The following PDGFD variants were observed in gnomAD, a reference collection of about 807,000 sequenced individuals.
The protein encoded by PDGFD is platelet derived growth factor D.
PDGFD carries 30 observed loss-of-function variants against 44.7 expected under a neutral mutation model. The observed-to-expected ratio is 0.67, with a 90% CI of 0.50 to 0.91. The LOEUF is 0.91. Ranked by LOEUF, PDGFD falls within the 40% of genes least tolerant of loss-of-function variation. PDGFD has a pLI of 0.00. For missense variants in PDGFD, 445 were observed against 457.8 expected, an observed-to-expected ratio of 0.97 and a Z score of 0.25; for synonymous variants, 173 against 168.4, an observed-to-expected ratio of 1.03 and a Z score of -0.21.
chr11:104,121,757 G>C (rs904596588), intron 1 of PDGFD, among the ~76,000 whole-genome samples: 1 of 152,004 alleles, frequency 6.6e-6, no homozygotes, highest in African/African-American at 2.4e-5. Flanking sequence ...GAGTAGCACT[G>C]ATACAGTTTC....
At chr11:103,977,894 A>T (rs1356859560) in intron 3 of PDGFD, among the ~76,000 whole-genome samples, 14 of 152,070 alleles carry the variant, frequency 9.2e-5, no homozygotes, top group Admixed American at 9.2e-4. Flanking sequence ...TTGTCATACA[A>T]ACTGAAATGT....
intron 1 of PDGFD, among the ~76,000 whole-genome samples, chr11:104,069,273 G>A (rs773503977): frequency 1.2e-4 from 19 of 152,114 alleles, no homozygotes; most frequent in Non-Finnish European, 2.2e-4. Context: ...GATTCAGTAT[G>A]TACACTTTTG....
chr11:103,965,680 C>T (rs557366587), intron 3 of PDGFD, among the ~76,000 whole-genome samples: 2 of 152,286 alleles, frequency 1.3e-5, no homozygotes, highest in African/African-American at 4.8e-5. Flanking sequence ...CAGCTCACAA[C>T]GTCTATCACA....
At chr11:103,999,593 C>G (rs181569567) in intron 2 of PDGFD, among the ~76,000 whole-genome samples, 1 of 152,144 alleles carries the variant, frequency 6.6e-6, no homozygotes, top group Non-Finnish European at 1.5e-5. Flanking sequence ...CTGATAGCTT[C>G]CCCAACCATC....
At chr11:104,053,850 G>A (rs936334920) in intron 1 of PDGFD, among the ~76,000 whole-genome samples, 5 of 152,152 alleles carry the variant, frequency 3.3e-5, no homozygotes, top group African/African-American at 7.2e-5. Context: ...TGAGTCTTCC[G>A]AATTTCAGGC....
At chr11:104,094,181 C>T (rs1861250451) in intron 1 of PDGFD, among the ~76,000 whole-genome samples, 1 of 152,020 alleles carries the variant, frequency 6.6e-6, no homozygotes, top group Admixed American at 6.6e-5. Flanking sequence ...TCTTGATACC[C>T]TAGCTTTCGT....
intron 3 of PDGFD, among the ~76,000 whole-genome samples, chr11:103,973,393 C>T (rs1322800723): frequency 6.6e-6 from 1 of 151,724 alleles, no homozygotes; most frequent in Non-Finnish European, 1.5e-5. Flanking sequence ...AAGATCTGCC[C>T]GTCTTGGCCT....
At chr11:104,122,337 T>C (rs1370749079) in intron 1 of PDGFD, among the ~76,000 whole-genome samples, 2 of 152,012 alleles carry the variant, frequency 1.3e-5, no homozygotes, top group African/African-American at 4.8e-5. Context: ...TAATAAAAGA[T>C]TAGGGTTGGG....
At chr11:103,954,468 T>C (rs1358832932) in intron 3 of PDGFD, among the ~76,000 whole-genome samples, 2 of 152,280 alleles carry the variant, frequency 1.3e-5, no homozygotes, top group Non-Finnish European at 2.9e-5. Context: ...ATTTTTATCC[T>C]AGGTGATTAT....
intron 6 of PDGFD, among the ~76,000 whole-genome samples, chr11:103,923,633 TG>T (rs1191339719): frequency 6.6e-6 from 1 of 152,216 alleles, no homozygotes; most frequent in African/African-American, 2.4e-5. Context: ...TTTTCCCTAA[TG>T]AGACTAGGCT....
At chr11:104,080,577 A>G (rs150468896) in intron 1 of PDGFD, among the ~76,000 whole-genome samples, 21 of 152,320 alleles carry the variant, frequency 1.4e-4, no homozygotes, top group African/African-American at 5.1e-4. Context: ...TTGGTATCAC[A>G]ATATTTTATG....
At chr11:103,984,636 T>C (rs1472956209) in intron 3 of PDGFD, among the ~76,000 whole-genome samples, 1 of 151,446 alleles carries the variant, frequency 6.6e-6, no homozygotes, top group Non-Finnish European at 1.5e-5. Context: ...TGTTTACTTT[T>C]TGTTTACATT....
At chr11:104,028,547 G>A (rs1201516762) in intron 1 of PDGFD, among the ~76,000 whole-genome samples, 1 of 150,406 alleles carries the variant, frequency 6.6e-6, no homozygotes, top group East Asian at 1.9e-4. Flanking sequence ...TATCAGAAAC[G>A]TCAACTACAG....
At chr11:104,092,942 G>C (rs1861232108) in intron 1 of PDGFD, among the ~76,000 whole-genome samples, 1 of 152,142 alleles carries the variant, frequency 6.6e-6, no homozygotes, top group Non-Finnish European at 1.5e-5. Context: ...CCAGGTCGAA[G>C]ATTTTCCTGT....
intron 1 of PDGFD, among the ~76,000 whole-genome samples, chr11:104,020,643 G>C (rs1859935614): frequency 6.6e-6 from 1 of 151,986 alleles, no homozygotes; most frequent in African/African-American, 2.4e-5. Flanking sequence ...TGGGAGTACT[G>C]GGCTTAGAAA....
intron 1 of PDGFD, among the ~76,000 whole-genome samples, chr11:104,103,462 GTATATATATATATATA>G (rs58684985): frequency 0.019 from 2,470 of 133,264 alleles, 82 homozygotes; most frequent in African/African-American, 0.064. Flanking sequence ...GTGTGTGTGT[GTATATATATATATATA>G]TATATATATA....
chr11:104,081,506 G>A (rs1422995245), intron 1 of PDGFD, among the ~76,000 whole-genome samples: 1 of 152,026 alleles, frequency 6.6e-6, no homozygotes, highest in African/African-American at 2.4e-5. Context: ...AACCCATAAT[G>A]TCTATCAACT....
At chr11:104,160,053 ATTGACATTG>A (rs1428268691) in intron 1 of PDGFD, among the ~76,000 whole-genome samples, 1 of 152,196 alleles carries the variant, frequency 6.6e-6, no homozygotes, top group African/African-American at 2.4e-5. Context: ...AAAATAATTT[ATTGACATTG>A]TTCTCTGTTG....
At chr11:104,081,776 T>C (rs191331253) in intron 1 of PDGFD, among the ~76,000 whole-genome samples, 1 of 152,236 alleles carries the variant, frequency 6.6e-6, no homozygotes, top group Admixed American at 6.5e-5. Context: ...AAACAATAAT[T>C]CAAAACCACG....
Sources: allele counts gnomAD v4.1 joint callset (sites outside exome capture counted in the v4.1 genomes callset), GRCh38; gene constraint gnomAD v4.1.1; transcripts MANE v1.5; gene names NCBI Gene and HGNC (gene_info 2026-07-23, HGNC 2026-07-21).